The following RIMBP2 variants were observed in gnomAD, a reference collection of about 807,000 sequenced individuals.
RIMBP2 encodes RIMS binding protein 2.
RIMBP2 carries 48 observed loss-of-function variants against 118.6 expected under a neutral mutation model. The observed-to-expected ratio is 0.40, with a 90% confidence interval of 0.32 to 0.51. The LOEUF is 0.51. Among genes scored for constraint, RIMBP2 ranks in the 20% least tolerant of loss-of-function variants. The probability of loss-of-function intolerance (pLI) is 0.41; values close to 1 mark genes in which losing one functional copy is unlikely to be tolerated. For missense variants in RIMBP2, 1,551 were observed against 1,768.3 expected, an observed-to-expected ratio of 0.88 and a Z score of 2.20; for synonymous variants, 762 against 742.9, an observed-to-expected ratio of 1.03 and a Z score of -0.42.
In RIMBP2 at chr12:130,450,328, C is replaced by A. The variant is rs2078894241; in HGVS notation, c.505-52G>T. ...GTTATTGAAGCTGGAGGTGTCCCAC[C>A]CCATTCCCGCGGCACACGGGAAAGC... On this transcript the variant is annotated intron_variant, in intron 8 of 22. Transcript: ENST00000690449. This position sits in a 1 kb window ranked among gnomAD's most constrained non-coding sequence, Gnocchi z 4.8. The A allele has an allele frequency of 1.5e-6, 2 of 1,376,568 alleles. No homozygotes were observed. The highest frequency in any genetic ancestry group is 2.9e-5 in the African/African-American group (2 of 69,682). 85.3% of individuals were successfully genotyped at this position (1,376,568 alleles called of 1,614,324 possible).
At position 130,475,890 on chromosome 12, in the gene RIMBP2, C is replaced by T. The variant is rs945125415; in HGVS notation, c.102+3022G>A. Among the ~76,000 whole-genome samples, 5 of 151,926 alleles carry T rather than the reference C, an allele frequency of 3.3e-5. No individual in the cohort carries two copies. The highest frequency in any genetic ancestry group is 6.6e-5 in the Admixed American group (1 of 15,262). On this transcript the variant is annotated intron_variant, in intron 5 of 22. Transcript: ENST00000690449. The surrounding 1 kb of genome is among the most constrained non-coding windows in gnomAD (Gnocchi z 4.1). Reference sequence around the variant, plus strand: ...GGAGTTCTGTGTGGGACGTGGCGTCCGAGGCCCCCCAAGCAGTGGTGTCAA... The same window carrying T: ...GGAGTTCTGTGTGGGACGTGGCGTCTGAGGCCCCCCAAGCAGTGGTGTCAA...
chr12:130,665,218 C>A (rs9795534), intron 1 of RIMBP2, among the ~76,000 whole-genome samples: 5 of 151,302 alleles, frequency 3.3e-5, no homozygotes, highest in East Asian at 1.9e-4. Flanking sequence ...TGCCATGCTC[C>A]GAGATGGAGG....
Position 130,676,170 on chromosome 12 carries a change from C to T in RIMBP2, c.-352+40052G>A, listed in dbSNP as rs566170531. Among the ~76,000 whole-genome samples, 6 of 152,288 alleles carry T rather than the reference C, an allele frequency of 3.9e-5. No individual in the cohort carries two copies. In the South Asian group the frequency reaches 6.2e-4, roughly 16 times the overall value. On this transcript the variant is annotated intron_variant, in intron 1 of 22. Coordinates refer to ENST00000690449, the MANE Select transcript of RIMBP2 (RefSeq NM_001393629.1). The stretch of plus-strand genomic sequence containing the variant: ...AATGCCTGCTATTTATCAGCCACCC[C>T]GTTGATGGGGTTTTGCCACAGCAGC...
intron 20 of RIMBP2, among the ~76,000 whole-genome samples, chr12:130,407,231 G>A (rs1362027734): frequency 6.6e-6 from 1 of 152,234 alleles, no homozygotes; most frequent in Non-Finnish European, 1.5e-5. Context: ...TAGCTGCAGA[G>A]ACTGGAGACC....
intron 1 of RIMBP2, among the ~76,000 whole-genome samples, chr12:130,677,958 C>T (rs2064576578): frequency 6.6e-6 from 1 of 152,264 alleles, no homozygotes; most frequent in Non-Finnish European, 1.5e-5. Context: ...ACCTGGCTCC[C>T]TCTCCCCTCC....
chr12:130,619,673 C>T (rs563546725), intron 2 of RIMBP2, among the ~76,000 whole-genome samples: 9 of 152,226 alleles, frequency 5.9e-5, no homozygotes, highest in South Asian at 2.1e-4. Flanking sequence ...TCAAGGGGAC[C>T]GCACAGACAC....
intron 1 of RIMBP2, among the ~76,000 whole-genome samples, chr12:130,714,459 G>A (rs915722551): frequency 1.3e-5 from 2 of 152,230 alleles, no homozygotes; most frequent in African/African-American, 4.8e-5. Context: ...GGAGGGCTGC[G>A]TGGCGCCTGC....
chr12:130,593,985 T>C (rs2059419246), intron 2 of RIMBP2, among the ~76,000 whole-genome samples: 2 of 152,248 alleles, frequency 1.3e-5, no homozygotes, highest in Admixed American at 1.3e-4. Context: ...CTCAGTAATA[T>C]TGTTATGATT....
chr12:130,437,698 G>T (rs1318603674), intron 12 of RIMBP2, among the ~76,000 whole-genome samples: 1 of 152,184 alleles, frequency 6.6e-6, no homozygotes, highest in African/African-American at 2.4e-5. Flanking sequence ...AGGGCTGAGG[G>T]CCTCCTCTGC....
At chr12:130,441,786 C>T in intron 11 of RIMBP2, 62 bp downstream of exon 11, 1 of 1,460,408 alleles carries the variant, frequency 6.8e-7, no homozygotes. Context: ...TCCCTCCCCA[C>T]TAGCAGGGTG....
At chr12:130,672,970 G>A (rs115470368) in intron 1 of RIMBP2, among the ~76,000 whole-genome samples, 2 of 152,264 alleles carry the variant, frequency 1.3e-5, no homozygotes, top group Non-Finnish European at 2.9e-5. Context: ...ACCTCAAGTC[G>A]TTTCCCTCTC....
At chr12:130,584,147 C>T (rs1566308248) in intron 2 of RIMBP2, among the ~76,000 whole-genome samples, 3 of 149,634 alleles carry the variant, frequency 2.0e-5, no homozygotes, top group Non-Finnish European at 3.0e-5. Context: ...ACATATGTAA[C>T]GGTGGTTACA....
At chr12:130,601,235 C>T (rs77308852) in intron 2 of RIMBP2, among the ~76,000 whole-genome samples, 3,065 of 150,768 alleles carry the variant, frequency 0.02, 93 homozygotes, top group African/African-American at 0.07. Context: ...TAGTCCAGGC[C>T]GCCGGAGCTC....
intron 15 of RIMBP2, 115 bp downstream of exon 15, chr12:130,428,064 C>T (rs2076911073): frequency 5.3e-6 from 5 of 937,508 alleles, no homozygotes. Context: ...AATCCGAGGG[C>T]TACTGGTTGT....
Position 130,556,286 on chromosome 12 carries a change from T to C in RIMBP2, c.-216-38369A>G, listed in dbSNP as rs149647982. On this transcript the variant is annotated intron_variant, in intron 2 of 22. Transcript: ENST00000690449. ...GCCCAGACCTTCCCCTCATGTGGCC[T>C]GCATAGGATAAATTCATATCCAATG... is the stretch of plus-strand genomic sequence containing the variant. Among the ~76,000 whole-genome samples, 492 of 152,344 alleles carry C rather than the reference T, an allele frequency of 3.2e-3. 3 individuals are homozygous for C. The highest frequency in any genetic ancestry group is 0.024 in the Middle Eastern group (7 of 294).
chr12:130,510,162 C>T (rs190608172), intron 3 of RIMBP2, among the ~76,000 whole-genome samples: 7 of 152,350 alleles, frequency 4.6e-5, no homozygotes, highest in African/African-American at 7.2e-5. Flanking sequence ...GGCACCGGAA[C>T]GCATTCTCCC....
intron 2 of RIMBP2, among the ~76,000 whole-genome samples, chr12:130,590,033 C>T (rs145763127): frequency 3.3e-5 from 5 of 152,116 alleles, no homozygotes; most frequent in South Asian, 2.1e-4. Context: ...TTGGAGTCTT[C>T]GACTCTCAGA....
intron 1 of RIMBP2, among the ~76,000 whole-genome samples, chr12:130,655,525 C>T (rs1032785504): frequency 2.0e-5 from 3 of 152,130 alleles, no homozygotes; most frequent in Non-Finnish European, 4.4e-5. Flanking sequence ...ATAGAACAGG[C>T]CCCAAACCAT....
intron 1 of RIMBP2, among the ~76,000 whole-genome samples, chr12:130,707,187 C>T (rs1435351590): frequency 1.3e-5 from 2 of 152,008 alleles, no homozygotes; most frequent in South Asian, 2.1e-4. Flanking sequence ...CAGAACAACC[C>T]GGAAAGACGC....
Sources: gnomAD v4.1 joint callset for allele counts (sites outside exome capture counted in the v4.1 genomes callset) on GRCh38, gnomAD v4.1.1 for gene constraint, Gnocchi (gnomAD v3.1) non-coding constraint, MANE v1.5 for transcripts, NCBI Gene and HGNC (gene_info 2026-07-23, HGNC 2026-07-21) for gene names.